The following UBAP2 variants were observed in gnomAD, a reference collection of about 807,000 sequenced individuals.
The protein encoded by UBAP2 is ubiquitin associated protein 2, also known as ubiquitin-associated protein 2.
UBAP2 carries 75 observed loss-of-function variants against 139.6 expected under a neutral mutation model. That is an observed-to-expected ratio of 0.54 (90% CI 0.45 to 0.65). The LOEUF is 0.65. Ranked by LOEUF, UBAP2 falls within the 30% of genes least tolerant of loss-of-function variation. The probability of loss-of-function intolerance (pLI) is 0.00; values close to 1 mark genes in which losing one functional copy is unlikely to be tolerated. For missense variants in UBAP2, 1,368 were observed against 1,369.6 expected (o/e 1.00, Z 0.02); for synonymous variants, 526 against 526.2 (o/e 1.00, Z 0.01).
chr9:33,953,373 A>G lies in UBAP2; in HGVS notation c.968T>C (p.Leu323Pro). The G allele has an allele frequency of 1.2e-6, 2 of 1,614,206 alleles. No individual in the cohort carries two copies. The highest frequency in any genetic ancestry group is 1.7e-6 in the Non-Finnish European group (2 of 1,180,028). Residue 323 changes from leucine (L) to proline (P), a missense_variant, in exon 12 of 29, where the codon CTT becomes CCT. Physicochemically the swap from Leu to Pro is moderately conservative, Grantham distance 98. Coordinates refer to ENST00000379238, the MANE Select transcript of UBAP2 (RefSeq NM_001370062.2). ...GTTGTGTTGCGAATTTGTGAAGACAAGGGCTTGGCCAAAGCCCTGCTGTTG... is the reference window on the plus strand; with the variant it reads ...GTTGTGTTGCGAATTTGTGAAGACAGGGGCTTGGCCAAAGCCCTGCTGTTG... The part of the protein sequence containing the change: ...TSQQQGFGQA[L>P]VFTNSQHNNQ...
rs1419691251 is a variant in UBAP2 at position 33,922,486 on chromosome 9, C to A, written c.*18G>T. 4 of 1,611,380 alleles carry A rather than the reference C, an allele frequency of 2.5e-6. No individual in the cohort carries two copies. Among genetic ancestry groups the A allele is most frequent in the South Asian group, 2.2e-5 (2 of 90,560 alleles). Reference sequence around the variant, plus strand: ...GCCCAGGATAAGCCTTGCCCCAGCCCACCCCTCTCTTCTGGGTTTAGTTTG... The same window carrying A: ...GCCCAGGATAAGCCTTGCCCCAGCCAACCCCTCTCTTCTGGGTTTAGTTTG... On this transcript the variant is annotated 3_prime_UTR_variant, in exon 29 of 29. Coordinates refer to ENST00000379238, the MANE Select transcript of UBAP2 (RefSeq NM_001370062.2).
At chr9:34,025,240 G>A (rs184667723) in intron 1 of UBAP2, among the ~76,000 whole-genome samples, 45 of 152,238 alleles carry the variant, frequency 3.0e-4, no homozygotes, top group African/African-American at 1.0e-3. Context: ...GTACCCAGTT[G>A]CCAGACCATA....
intron 19 of UBAP2, among the ~76,000 whole-genome samples, chr9:33,931,549 G>C (rs1024143855): frequency 3.5e-4 from 54 of 152,194 alleles, no homozygotes; most frequent in African/African-American, 1.1e-3. Flanking sequence ...AGCCACAGAG[G>C]GCAGGGGCAG....
rs1399661525 is a variant in UBAP2 at position 33,923,813 on chromosome 9, C to A, written c.2778G>T (p.Gln926His). 1.2e-6 allele frequency: 2 copies of A among 1,614,056 alleles called. No individual in the cohort carries two copies. The highest frequency in any genetic ancestry group is 2.7e-5 in the African/African-American group (2 of 74,922). Reference sequence around the variant, plus strand: ...TACTCACAAACATGGTGGGGCCATACTGGAAGGCACTGGGCATGCCTGTGT... The same window carrying A: ...TACTCACAAACATGGTGGGGCCATAATGGAAGGCACTGGGCATGCCTGTGT... ...PYYTGMPSAFQYGPTMFVPPA... is the reference protein window; with the variant it reads ...PYYTGMPSAFHYGPTMFVPPA... Residue 926 changes from glutamine (Q) to histidine (H), a missense_variant, in exon 24 of 29, where the codon CAG becomes CAT. Transcript: ENST00000379238.
At chr9:34,048,412 G>A (rs1052104058) in intron 1 of UBAP2, among the ~76,000 whole-genome samples, 3 of 152,182 alleles carry the variant, frequency 2.0e-5, no homozygotes, top group African/African-American at 7.2e-5. Flanking sequence ...CCCAAGACTA[G>A]CTACGGGCGT....
At chr9:33,927,288 A>G (rs1823525919) in intron 20 of UBAP2, among the ~76,000 whole-genome samples, 1 of 152,160 alleles carries the variant, frequency 6.6e-6, no homozygotes, top group African/African-American at 2.4e-5. Context: ...TCAACGTCAG[A>G]GAGTTCCGGG....
chr9:33,924,424 A>T, intron 22 of UBAP2, 140 bp from the exon 23 acceptor site: 1 of 804,196 alleles, frequency 1.2e-6, no homozygotes, highest in Non-Finnish European at 2.0e-6. Flanking sequence ...GGGAACGCCA[A>T]GTAAATGGTG....
Position 33,943,516 on chromosome 9 carries a change from T to G in UBAP2, c.1619A>C (p.Glu540Ala). The G allele has an allele frequency of 6.2e-7, 1 of 1,614,136 alleles. No individual in the cohort carries two copies. The highest frequency in any genetic ancestry group is 8.5e-7 in the Non-Finnish European group (1 of 1,180,028). Reference sequence around the variant, plus strand: ...AGAGAGAGAAGGTTCTGACCCAAATTCCAGAGCCCCAAACTGCACATTTAA... The same window carrying G: ...AGAGAGAGAAGGTTCTGACCCAAATGCCAGAGCCCCAAACTGCACATTTAA... ...TGLNVQFGAL[E>A]FGSEPSLSEF... Residue 540 changes from glutamate (E) to alanine (A), a missense_variant, in exon 15 of 29, where the codon GAA becomes GCA. Transcript: ENST00000379238.
rs758628225 is a variant in UBAP2, at chr9:33,936,643, C to CA, written c.1930-766dup. 8.6e-5 allele frequency among the ~76,000 whole-genome samples: 13 copies of CA among 151,646 alleles called. 2 individuals carry two copies. In the South Asian group the frequency reaches 2.5e-3, roughly 29 times the overall value. ...TGGGCAACAGAGCAACACTCCATCT[C>CA]AAAAAACAAAACAAAACAAAACAAA... On this transcript the variant is annotated intron_variant, in intron 16 of 28. Coordinates refer to ENST00000379238, the MANE Select transcript of UBAP2 (RefSeq NM_001370062.2).
At chr9:33,966,319 C>T (rs956824454) in intron 8 of UBAP2, among the ~76,000 whole-genome samples, 5 of 151,018 alleles carry the variant, frequency 3.3e-5, no homozygotes, top group Admixed American at 2.0e-4. Flanking sequence ...ATTAGCTGGG[C>T]ATGGTGGTGC....
chr9:33,994,040 G>A (rs1049274933), intron 4 of UBAP2, among the ~76,000 whole-genome samples: 9 of 151,874 alleles, frequency 5.9e-5, no homozygotes, highest in South Asian at 2.1e-4. Flanking sequence ...GATTGCAGGC[G>A]CCCACCACCA....
chr9:33,997,457 G>T lies in UBAP2; in HGVS notation c.178-1124C>A, dbSNP rs938991313. 16 of 152,148 alleles carry T rather than the reference G, an allele frequency of 1.1e-4. 1 individual carries two copies. The highest frequency in any genetic ancestry group is 1.0e-3 in the Admixed American group (16 of 15,262). The allele number at this position is 152,148 out of a possible 1,614,324, so 9.4% of individuals were successfully genotyped here. A position where few individuals can be genotyped will look rare whatever the true frequency, so the allele number is the denominator to read the frequency against. ...AATAGCAAAGCCCATCTAGAACCCA[G>T]GCCTCCTGATCTCATAATCACAGCT... On this transcript the variant is annotated intron_variant, in intron 3 of 28. Coordinates refer to ENST00000379238, the MANE Select transcript of UBAP2 (RefSeq NM_001370062.2).
chr9:33,923,549 G>A, intron 24 of UBAP2, 71 bp from the exon 25 acceptor site: 1 of 1,471,776 alleles, frequency 6.8e-7, no homozygotes, highest in Non-Finnish European at 9.5e-7. Context: ...ACCCCTGCCA[G>A]AGCCTAAGGC....
chr9:34,012,527 T>TC (rs1435444198), intron 2 of UBAP2, among the ~76,000 whole-genome samples: 1 of 21,204 alleles, frequency 4.7e-5, no homozygotes, highest in African/African-American at 1.3e-4. Context: ...TAAAACTGTC[T>TC]CAAAAAAAAA....
At chr9:33,934,929 C>T (rs1380420587) in intron 17 of UBAP2, among the ~76,000 whole-genome samples, 1 of 152,180 alleles carries the variant, frequency 6.6e-6, no homozygotes. Flanking sequence ...CCTGGGGCTC[C>T]AAATCTGTCA....
chr9:33,981,064 CATATATATATATATATATATAT>C (rs552165278), intron 6 of UBAP2, among the ~76,000 whole-genome samples: 1 of 5,270 alleles, frequency 1.9e-4, no homozygotes, highest in Non-Finnish European at 3.9e-4. Flanking sequence ...TTATTTACTT[CATATATATATATATATATATAT>C]ATATATATAT....
chr9:34,044,455 C>T (rs983038978), intron 1 of UBAP2, among the ~76,000 whole-genome samples: 1 of 151,540 alleles, frequency 6.6e-6, no homozygotes, highest in African/African-American at 2.4e-5. Context: ...GTCCCAGCTG[C>T]TTGGGAAGTT....
At chr9:33,992,917 T>A (rs1388568744) in intron 4 of UBAP2, among the ~76,000 whole-genome samples, 1 of 152,126 alleles carries the variant, frequency 6.6e-6, no homozygotes, top group African/African-American at 2.4e-5. Context: ...CACATAATAA[T>A]CAGAACAGCA....
intron 12 of UBAP2, 47 bp downstream of exon 12, chr9:33,953,238 A>G: frequency 6.6e-7 from 1 of 1,511,040 alleles, no homozygotes; most frequent in Non-Finnish European, 9.0e-7. Flanking sequence ...TACATTTGCT[A>G]ATGGGTATAT....
Sources: gnomAD v4.1 joint callset for allele counts (sites outside exome capture counted in the v4.1 genomes callset) on GRCh38, gnomAD v4.1.1 for gene constraint, MANE v1.5 for transcripts, NCBI Gene and HGNC (gene_info 2026-07-23, HGNC 2026-07-21) for gene names.